The following ELP2 variants were observed in gnomAD, a reference collection of about 807,000 sequenced individuals.
ELP2 encodes the protein elongator acetyltransferase complex subunit 2.
ELP2 carries 90 observed loss-of-function variants against 119.2 expected under a neutral mutation model. That is an observed-to-expected ratio of 0.75 (90% CI 0.64 to 0.90). ELP2 has a LOEUF of 0.90. Among genes scored for constraint, ELP2 ranks in the 40% least tolerant of loss-of-function variants. The pLI, the probability that ELP2 is intolerant of heterozygous loss-of-function variation, is 0.00. For missense variants in ELP2, 921 were observed against 967.8 expected (o/e 0.95, Z 0.64); for synonymous variants, 339 against 331.0 (o/e 1.02, Z -0.26).
intron 21 of ELP2, 55 bp from the exon 22 acceptor site, chr18:36,174,430 A>G (rs760984753): frequency 3.9e-6 from 6 of 1,556,122 alleles, no homozygotes; most frequent in Admixed American, 3.5e-5. Context: ...ACTTCCATTC[A>G]TGTTTACACC....
At chr18:36,146,525 T>A in intron 11 of ELP2, 144 bp downstream of exon 11, 1 of 851,586 alleles carries the variant, frequency 1.2e-6, no homozygotes, top group Non-Finnish European at 1.8e-6. Context: ...TAGACATTGT[T>A]AAGGTATTGA....
At chr18:36,130,111 G>T in intron 1 of ELP2, 40 bp downstream of exon 1, 1 of 1,613,170 alleles carries the variant, frequency 6.2e-7, no homozygotes. Flanking sequence ...TGTGCTTTTC[G>T]GGTTGAACCT....
intron 5 of ELP2, among the ~76,000 whole-genome samples, chr18:36,140,067 C>T (rs561444270): frequency 1.3e-5 from 2 of 151,596 alleles, no homozygotes; most frequent in African/African-American, 4.8e-5. Flanking sequence ...TGGTCTTGGA[C>T]TCCTGGCTTC....
intron 19 of ELP2, among the ~76,000 whole-genome samples, chr18:36,169,341 C>T (rs1395855485): frequency 6.6e-6 from 1 of 151,798 alleles, no homozygotes; most frequent in Non-Finnish European, 1.5e-5. Flanking sequence ...GAGTAGATTC[C>T]CTGAGCAATG....
rs148552861 is a variant in ELP2, at chr18:36,142,754, A to C, written c.656-72A>C. Reference sequence around the variant, plus strand: ...GAAAATCTGGAAATATATATATTATAGACAAAAAAGTCTTATACATAAACT... The same window carrying C: ...GAAAATCTGGAAATATATATATTATCGACAAAAAAGTCTTATACATAAACT... On this transcript the variant is annotated intron_variant, in intron 7 of 21. Transcript: ENST00000358232. 6.4e-3 allele frequency: 6,435 copies of C among 1,001,752 alleles called. 55 individuals are homozygous for C. The highest frequency in any genetic ancestry group is 0.016 in the South Asian group (1,052 of 67,052). 62.1% of individuals were successfully genotyped at this position (1,001,752 alleles called of 1,614,324 possible).
intron 17 of ELP2, among the ~76,000 whole-genome samples, chr18:36,162,785 T>G (rs565826348): frequency 2.3e-4 from 35 of 152,330 alleles, no homozygotes; most frequent in African/African-American, 7.5e-4. Flanking sequence ...ATGGCTGTGA[T>G]TTATATTTCT....
At chr18:36,164,697 T>G (rs1174844857) in intron 18 of ELP2, 30 bp downstream of exon 18, 1 of 1,601,846 alleles carries the variant, frequency 6.2e-7, no homozygotes, top group African/African-American at 1.3e-5. Context: ...GGAAAGTTAT[T>G]AGTGAAACAG....
In ELP2 at chr18:36,175,348, A is replaced by T. The variant is rs1271658857; in HGVS notation, c.*707A>T. 6.6e-6 allele frequency: 1 copy of T among 152,244 alleles called. No homozygotes were observed. Among genetic ancestry groups the T allele is most frequent in the South Asian group, 2.1e-4 (1 of 4,838 alleles). 9.4% of individuals were successfully genotyped at this position (152,244 alleles called of 1,614,324 possible). On this transcript the variant is annotated 3_prime_UTR_variant, in exon 22 of 22. Coordinates refer to ENST00000358232, the MANE Select transcript of ELP2 (RefSeq NM_018255.4). ...AATTTTATTTTAACATTTTCTATAG[A>T]TAGCATACCACGCCAAGTGTGCTCT... is the stretch of plus-strand genomic sequence containing the variant.
At chr18:36,140,675 A>G in intron 5 of ELP2, among the ~76,000 whole-genome samples, 1 of 152,208 alleles carries the variant, frequency 6.6e-6, no homozygotes, top group East Asian at 1.9e-4. Flanking sequence ...TTTAAACAAA[A>G]TAAAACATAA....
In ELP2 at chr18:36,159,016, A is replaced by G. The variant is rs1178386130; in HGVS notation, c.1534+112A>G. On this transcript the variant is annotated intron_variant, in intron 14 of 21. Coordinates refer to ENST00000358232, the MANE Select transcript of ELP2 (RefSeq NM_018255.4). Reference sequence around the variant, plus strand: ...TTACAGCTGATTTTTTTTTTAAATCACAGTATATCTTTTCTATCACCTATT... The same window carrying G: ...TTACAGCTGATTTTTTTTTTAAATCGCAGTATATCTTTTCTATCACCTATT... 4 of 762,658 alleles carry G rather than the reference A, an allele frequency of 5.2e-6. No homozygotes were observed. The Admixed American group carries it at 6.2e-5, about 12-fold the overall frequency. The allele number at this position is 762,658 out of a possible 1,614,324, so 47.2% of individuals were successfully genotyped here.
chr18:36,161,277 C>T (rs547293217), intron 17 of ELP2, among the ~76,000 whole-genome samples: 1 of 152,196 alleles, frequency 6.6e-6, no homozygotes, highest in South Asian at 2.1e-4. Context: ...CCTGCAATCC[C>T]GGCTACTCAG....
chr18:36,178,367 C>G lies in ELP2; in HGVS notation c.*3726C>G, dbSNP rs899966885. On this transcript the variant is annotated 3_prime_UTR_variant, in exon 22 of 22. Coordinates refer to ENST00000358232, the MANE Select transcript of ELP2 (RefSeq NM_018255.4). ...CTGGGAATGGGGAGAGGAGTGACTACAGAGGGACCTAGATTCTTCAACAAA... is the reference window on the plus strand; with the variant it reads ...CTGGGAATGGGGAGAGGAGTGACTAGAGAGGGACCTAGATTCTTCAACAAA... The G allele has an allele frequency of 6.6e-6, 1 of 152,152 alleles. No homozygotes were observed. The highest frequency in any genetic ancestry group is 1.5e-5 in the Non-Finnish European group (1 of 68,046). 9.4% of individuals were successfully genotyped at this position (152,152 alleles called of 1,614,324 possible).
At chr18:36,169,681 C>T (rs987382300) in intron 19 of ELP2, among the ~76,000 whole-genome samples, 35 of 152,338 alleles carry the variant, frequency 2.3e-4, no homozygotes, top group Middle Eastern at 3.4e-3. Context: ...AGCCACCGCG[C>T]CCAGCCCAAA....
At chr18:36,141,385 C>T (rs1250558983) in intron 6 of ELP2, 184 bp downstream of exon 6, 1 of 609,966 alleles carries the variant, frequency 1.6e-6, no homozygotes, top group African/African-American at 1.8e-5. Context: ...GTAACCGCTG[C>T]CTTGACCATC....
chr18:36,171,864 G>T (rs1366816540), intron 21 of ELP2, among the ~76,000 whole-genome samples: 2 of 152,072 alleles, frequency 1.3e-5, no homozygotes, highest in Non-Finnish European at 2.9e-5. Flanking sequence ...CTACAGACAC[G>T]CACCACCATG....
intron 16 of ELP2, 88 bp downstream of exon 16, chr18:36,160,103 T>C: frequency 7.9e-7 from 1 of 1,260,098 alleles, no homozygotes; most frequent in Non-Finnish European, 1.2e-6. Context: ...TGTCTCCTTT[T>C]TCTTCCTTCT....
chr18:36,140,896 G>A (rs867123577), intron 5 of ELP2, among the ~76,000 whole-genome samples: 11 of 152,296 alleles, frequency 7.2e-5, no homozygotes, highest in Middle Eastern at 3.4e-3. Context: ...ATAGAATGGA[G>A]AGAAGGACTG....
At chr18:36,174,218 TG>T (rs1380731372) in intron 21 of ELP2, among the ~76,000 whole-genome samples, 44 of 152,356 alleles carry the variant, frequency 2.9e-4, no homozygotes, top group Middle Eastern at 3.4e-3. Context: ...TTTTATTTTT[TG>T]TTTTTTTTTA....
rs776479062 is a variant in ELP2, at chr18:36,170,079, A to AGT, written c.2095_2096dup (p.Asp700AlafsTer25). 1.2e-6 allele frequency: 2 copies of AGT among 1,614,130 alleles called. No individual in the cohort carries two copies. The highest frequency in any genetic ancestry group is 2.2e-5 in the South Asian group (2 of 91,076). On this transcript the variant is annotated frameshift_variant, in exon 20 of 22. Transcript: ENST00000358232. LOFTEE classifies it high-confidence loss of function. Reference sequence around the variant, plus strand: ...CTGTATTAGGTGGTTGTCTGGGGTGAGTGCGACTCCACTGATGACTGTATT... The same window carrying AGT: ...CTGTATTAGGTGGTTGTCTGGGGTGAGTGTGCGACTCCACTGATGACTGTATT...
Sources: gnomAD v4.1 joint callset for allele counts (sites outside exome capture counted in the v4.1 genomes callset) on GRCh38, gnomAD v4.1.1 for gene constraint, MANE v1.5 for transcripts, NCBI Gene and HGNC (gene_info 2026-07-23, HGNC 2026-07-21) for gene names.